PLXNA4: variants seen among roughly 807,000 people sequenced by gnomAD.
PLXNA4 encodes plexin A4.
A neutral mutation model predicts 191.8 loss-of-function variants in PLXNA4; 44 were observed. That is an observed-to-expected ratio of 0.23 (90% CI 0.18 to 0.29). PLXNA4 has a LOEUF of 0.29. Ranked by LOEUF, PLXNA4 falls within the 10% of genes least tolerant of loss-of-function variation. The pLI, the probability that PLXNA4 is intolerant of heterozygous loss-of-function variation, is 1.00. For missense variants in PLXNA4, 1,800 were observed against 2,488.8 expected (o/e 0.72, Z 5.89); for synonymous variants, 1,082 against 1,009.5 (o/e 1.07, Z -1.36).
At chr7:132,382,420 T>C (rs1804934410) in intron 3 of PLXNA4, among the ~76,000 whole-genome samples, 1 of 152,094 alleles carries the variant, frequency 6.6e-6, no homozygotes, top group South Asian at 2.1e-4. Flanking sequence ...AAGTCTCAGT[T>C]TCTGCCATGG....
chr7:132,155,746 T>C (rs1386450319), intron 25 of PLXNA4, among the ~76,000 whole-genome samples: 1 of 152,166 alleles, frequency 6.6e-6, no homozygotes, highest in African/African-American at 2.4e-5. Flanking sequence ...GGCCCTGCGG[T>C]TTCTGGGATA....
At chr7:132,336,528 C>T (rs550202677) in intron 3 of PLXNA4, among the ~76,000 whole-genome samples, 1 of 152,214 alleles carries the variant, frequency 6.6e-6, no homozygotes, top group African/African-American at 2.4e-5. Context: ...AGAGATATTC[C>T]AGAACAGAAG....
chr7:132,538,580 C>T (rs1799945267), intron 1 of PLXNA4, among the ~76,000 whole-genome samples: 2 of 152,242 alleles, frequency 1.3e-5, no homozygotes, highest in East Asian at 1.9e-4. Flanking sequence ...CTGAATCTCT[C>T]AAACTTACTT....
In PLXNA4 at chr7:132,226,288, G is replaced by T; in HGVS notation, c.1883-28C>A. ...ACAAGGAGAGATGGCTGAGGGGTCA[G>T]GGAATGCTGAGGCCCCAAGCCAGGG... is the stretch of plus-strand genomic sequence containing the variant. On this transcript the variant is annotated intron_variant, in intron 7 of 31. Coordinates refer to ENST00000321063, the MANE Select transcript of PLXNA4 (RefSeq NM_020911.2). The T allele has an allele frequency of 1.9e-6, 3 of 1,587,662 alleles. No individual in the cohort carries two copies. In the South Asian group the frequency reaches 3.3e-5, roughly 18 times the overall value.
At chr7:132,546,115 C>T (rs1235453981) in intron 1 of PLXNA4, among the ~76,000 whole-genome samples, 1 of 152,204 alleles carries the variant, frequency 6.6e-6, no homozygotes, top group Non-Finnish European at 1.5e-5. Context: ...GATGTTTTGG[C>T]CATCACCCAA....
At chr7:132,138,953 G>A (rs763676358) in intron 30 of PLXNA4, among the ~76,000 whole-genome samples, 2 of 152,182 alleles carry the variant, frequency 1.3e-5, no homozygotes, top group African/African-American at 4.8e-5. Context: ...TGTGGCACTC[G>A]GATGACCAAC....
intron 2 of PLXNA4, among the ~76,000 whole-genome samples, chr7:132,594,684 C>T (rs929472846): frequency 2.6e-5 from 4 of 152,160 alleles, no homozygotes; most frequent in East Asian, 1.9e-4. Flanking sequence ...TGACAAAGAA[C>T]GGTTCCAAAT....
intron 21 of PLXNA4, among the ~76,000 whole-genome samples, chr7:132,174,105 C>T (rs778921377): frequency 5.3e-5 from 8 of 152,196 alleles, no homozygotes; most frequent in African/African-American, 1.4e-4. Context: ...GATTATTCCT[C>T]AGGATTATTA....
At chr7:132,463,859 C>T (rs958511826) in intron 3 of PLXNA4, among the ~76,000 whole-genome samples, 4 of 152,176 alleles carry the variant, frequency 2.6e-5, no homozygotes, top group African/African-American at 9.7e-5. Context: ...GAACTAAATT[C>T]ATCGCTATTC....
At chr7:132,291,572 G>A (rs1270591037) in intron 4 of PLXNA4, among the ~76,000 whole-genome samples, 2 of 152,160 alleles carry the variant, frequency 1.3e-5, no homozygotes, top group Admixed American at 6.5e-5. Context: ...TGAGGGAATG[G>A]GTGACAGAGC....
In PLXNA4 at chr7:132,148,538, C is replaced by T; in HGVS notation, c.4764+5G>A. On this transcript the variant is annotated splice_donor_5th_base_variant and intron_variant, in intron 26 of 31. Coordinates refer to ENST00000321063, the MANE Select transcript of PLXNA4 (RefSeq NM_020911.2). ...TAGCTCCTCCCCTTTCCACATTCCC[C>T]TCACCTGGTAGTGGGCCAGTGTGTT... The T allele has an allele frequency of 6.2e-7, 1 of 1,614,080 alleles. No homozygotes were observed. Among genetic ancestry groups the T allele is most frequent in the Non-Finnish European group, 8.5e-7 (1 of 1,179,988 alleles).
At chr7:132,178,532 C>A (rs1307675435) in intron 20 of PLXNA4, among the ~76,000 whole-genome samples, 2 of 152,224 alleles carry the variant, frequency 1.3e-5, no homozygotes, top group Non-Finnish European at 2.9e-5. Flanking sequence ...GGCAAGGAGA[C>A]CTTGGCCTCT....
intron 2 of PLXNA4, among the ~76,000 whole-genome samples, chr7:132,591,318 TCAAA>T (rs944665786): frequency 4.6e-5 from 7 of 152,122 alleles, no homozygotes; most frequent in African/African-American, 1.4e-4. Context: ...ATCAAATCAC[TCAAA>T]CAATCTTCAC....
intron 1 of PLXNA4, among the ~76,000 whole-genome samples, chr7:132,575,274 G>A (rs1643603927): frequency 6.6e-6 from 1 of 152,192 alleles, no homozygotes; most frequent in African/African-American, 2.4e-5. Context: ...TCCAGCCAGA[G>A]AGAACAAGAA....
chr7:132,323,735 T>C (rs142563876), intron 3 of PLXNA4, among the ~76,000 whole-genome samples: 60 of 152,268 alleles, frequency 3.9e-4, no homozygotes, highest in African/African-American at 1.4e-3. Context: ...GAACCCAAGA[T>C]TGAGAAACCT....
chr7:132,348,253 T>G (rs1007828604), intron 3 of PLXNA4, among the ~76,000 whole-genome samples: 2 of 152,178 alleles, frequency 1.3e-5, no homozygotes, highest in Admixed American at 1.3e-4. Flanking sequence ...ACAGAGATCA[T>G]AACAATCTTT....
intron 2 of PLXNA4, among the ~76,000 whole-genome samples, chr7:132,590,976 C>T (rs1355866623): frequency 1.3e-5 from 2 of 152,142 alleles, no homozygotes; most frequent in Admixed American, 1.3e-4. Context: ...CATCTCCTCC[C>T]CAGTGCTCCC....
chr7:132,200,832 C>A, intron 12 of PLXNA4, among the ~76,000 whole-genome samples: 1 of 152,222 alleles, frequency 6.6e-6, no homozygotes, highest in East Asian at 1.9e-4. Context: ...GGATTCAGGA[C>A]CATGTTACTG....
chr7:132,194,006 A>G (rs1277419936), intron 14 of PLXNA4, 56 bp downstream of exon 14: 2 of 1,569,220 alleles, frequency 1.3e-6, no homozygotes, highest in East Asian at 2.3e-5. Context: ...CCCAGCAATC[A>G]TGGTAATGAG....
Sources: allele counts gnomAD v4.1 joint callset (sites outside exome capture counted in the v4.1 genomes callset), GRCh38; gene constraint gnomAD v4.1.1; transcripts MANE v1.5; gene names NCBI Gene and HGNC (gene_info 2026-07-23, HGNC 2026-07-21).